GPC5: variants seen among roughly 807,000 people sequenced by gnomAD.
GPC5 encodes the protein glypican-5.
Under a neutral mutation model 53.9 loss-of-function variants are expected in GPC5, and 47 were observed. The observed-to-expected ratio is 0.87, with a 90% confidence interval of 0.69 to 1.11. The LOEUF is 1.11. Ranked by LOEUF, GPC5 falls within the 50% of genes most tolerant of loss-of-function variation. The pLI is 0.00. For missense variants in GPC5, 748 were observed against 713.1 expected (o/e 1.05, Z -0.56); for synonymous variants, 286 against 263.3 (o/e 1.09, Z -0.84).
intron 7 of GPC5, among the ~76,000 whole-genome samples, chr13:92,717,861 T>C (rs1888382662): frequency 6.6e-6 from 1 of 152,068 alleles, no homozygotes. Flanking sequence ...CAACTATCCA[T>C]CTGACAAACG....
At chr13:92,544,278 C>T (rs1201248473) in intron 7 of GPC5, among the ~76,000 whole-genome samples, 1 of 152,064 alleles carries the variant, frequency 6.6e-6, no homozygotes, top group Non-Finnish European at 1.5e-5. Flanking sequence ...CAAACTGTTT[C>T]TGAAGCCTCA....
chr13:92,456,839 A>C (rs1002983260), intron 7 of GPC5, among the ~76,000 whole-genome samples: 1 of 152,184 alleles, frequency 6.6e-6, no homozygotes, highest in Non-Finnish European at 1.5e-5. Context: ...TAGACTGGAT[A>C]ATGTTTTTAT....
chr13:92,402,642 TCA>T (rs1238695137), intron 7 of GPC5, among the ~76,000 whole-genome samples: 1 of 152,226 alleles, frequency 6.6e-6, no homozygotes, highest in African/African-American at 2.4e-5. Flanking sequence ...CATGCGCAGT[TCA>T]CAATGTTTTT....
At chr13:91,469,634 C>A (rs1882481736) in intron 2 of GPC5, among the ~76,000 whole-genome samples, 2 of 152,148 alleles carry the variant, frequency 1.3e-5, no homozygotes. Flanking sequence ...ACTTTAATTT[C>A]AAAGGTTATA....
At position 92,850,531 on chromosome 13, in the gene GPC5, G is replaced by A. The variant is rs1252734891; in HGVS notation, c.1562-15751G>A. Among the ~76,000 whole-genome samples, 7 of 152,088 alleles carry A rather than the reference G, an allele frequency of 4.6e-5. No homozygotes were observed. The East Asian group carries it at 1.4e-3, about 29-fold the overall frequency. On this transcript the variant is annotated intron_variant, in intron 7 of 7. Coordinates refer to ENST00000377067, the MANE Select transcript of GPC5 (RefSeq NM_004466.6). ...GGAGAATCGCTGGAACCCAGGAGGTGGAGGCTGTAGTAAGCCGATGTTGTG... is the reference window on the plus strand; with the variant it reads ...GGAGAATCGCTGGAACCCAGGAGGTAGAGGCTGTAGTAAGCCGATGTTGTG...
chr13:92,330,285 C>T (rs72638652), intron 7 of GPC5, among the ~76,000 whole-genome samples: 17,839 of 152,142 alleles, frequency 0.12, 1,327 homozygotes, highest in Non-Finnish European at 0.17. Flanking sequence ...TCTGTTATTA[C>T]CTCTGTTTAG....
chr13:92,714,927 A>AT (rs1325415453), intron 7 of GPC5, among the ~76,000 whole-genome samples: 3 of 152,078 alleles, frequency 2.0e-5, no homozygotes, highest in African/African-American at 7.2e-5. Context: ...TTAGCCAGGC[A>AT]TGGTGGTGGG....
chr13:92,047,583 G>T (rs2040993060), intron 6 of GPC5, among the ~76,000 whole-genome samples: 1 of 151,202 alleles, frequency 6.6e-6, no homozygotes, highest in African/African-American at 2.4e-5. Flanking sequence ...TCAATGAAGG[G>T]CGTGTATTGC....
At chr13:91,914,463 T>A (rs938315254) in intron 6 of GPC5, among the ~76,000 whole-genome samples, 2 of 152,088 alleles carry the variant, frequency 1.3e-5, no homozygotes, top group Admixed American at 6.6e-5. Flanking sequence ...AATGTCTTCA[T>A]GTGTAATATA....
chr13:92,176,639 G>A (rs1011916847), intron 7 of GPC5, among the ~76,000 whole-genome samples: 3 of 151,970 alleles, frequency 2.0e-5, no homozygotes, highest in African/African-American at 4.8e-5. Context: ...CTCCCTTTCC[G>A]TTTCTCTCCA....
At chr13:92,213,207 T>G (rs1594001568) in intron 7 of GPC5, among the ~76,000 whole-genome samples, 1 of 152,216 alleles carries the variant, frequency 6.6e-6, no homozygotes, top group Non-Finnish European at 1.5e-5. Flanking sequence ...AGATGTTCCC[T>G]ACTGTTGCCT....
intron 5 of GPC5, among the ~76,000 whole-genome samples, chr13:91,823,688 T>A (rs564388448): frequency 9.3e-4 from 142 of 152,204 alleles, no homozygotes; most frequent in Non-Finnish European, 1.8e-3. Flanking sequence ...TGACCCAAAC[T>A]AACATAAACT....
At chr13:92,233,592 T>C (rs1271418135) in intron 7 of GPC5, among the ~76,000 whole-genome samples, 2 of 152,234 alleles carry the variant, frequency 1.3e-5, no homozygotes, top group Non-Finnish European at 2.9e-5. Flanking sequence ...GATGTGGTGC[T>C]ATATGCATTA....
At chr13:91,801,271 G>GTGTGTGTGTA (rs1555286338) in intron 5 of GPC5, among the ~76,000 whole-genome samples, 4 of 151,648 alleles carry the variant, frequency 2.6e-5, no homozygotes, top group Non-Finnish European at 5.9e-5. Context: ...GTGTGTGTGT[G>GTGTGTGTGTA]TGTGTGTGTG....
chr13:91,999,771 A>G (rs1220637109), intron 6 of GPC5, among the ~76,000 whole-genome samples: 1 of 152,222 alleles, frequency 6.6e-6, no homozygotes, highest in Admixed American at 6.5e-5. Context: ...CTATGTATCA[A>G]TGAAAATCCT....
At chr13:92,407,570 G>C (rs1006022406) in intron 7 of GPC5, among the ~76,000 whole-genome samples, 3 of 152,104 alleles carry the variant, frequency 2.0e-5, no homozygotes, top group African/African-American at 7.2e-5. Context: ...TGAGACATGT[G>C]TCACAATAAC....
At chr13:91,897,335 CTGTGTGTGTGTG>C (rs34783532) in intron 5 of GPC5, among the ~76,000 whole-genome samples, 2 of 139,316 alleles carry the variant, frequency 1.4e-5, no homozygotes, top group African/African-American at 2.6e-5. Context: ...ATAGAGAATG[CTGTGTGTGTGTG>C]TGTGTGTGTG....
chr13:91,692,402 C>T (rs2035775288), intron 2 of GPC5, among the ~76,000 whole-genome samples: 1 of 152,140 alleles, frequency 6.6e-6, no homozygotes, highest in Non-Finnish European at 1.5e-5. Context: ...GGGAATCTAA[C>T]CTCCCTTTGT....
rs187561868 is a variant in GPC5, at chr13:91,674,882, T to G, written c.326-18305T>G. ...ATTGTCAGAGTCATTTTCTCTCTACTGATACTGTTTTCAAAATCCAGCAGG... is the reference window on the plus strand; with the variant it reads ...ATTGTCAGAGTCATTTTCTCTCTACGGATACTGTTTTCAAAATCCAGCAGG... On this transcript the variant is annotated intron_variant, in intron 2 of 7. Transcript: ENST00000377067. 1.9e-3 allele frequency among the ~76,000 whole-genome samples: 285 copies of G among 152,048 alleles called. 1 individual carries two copies. The highest frequency in any genetic ancestry group is 6.6e-3 in the African/African-American group (274 of 41,516).
Sources: allele counts gnomAD v4.1 joint callset (sites outside exome capture counted in the v4.1 genomes callset), GRCh38; gene constraint gnomAD v4.1.1; transcripts MANE v1.5; gene names NCBI Gene and HGNC (gene_info 2026-07-23, HGNC 2026-07-21).